Variants in PPM1L observed in about 807,000 individuals in gnomAD.
The protein encoded by PPM1L is protein phosphatase 1L.
A neutral mutation model predicts 31.4 loss-of-function variants in PPM1L; 13 were observed. The observed-to-expected ratio is 0.41, with a 90% CI of 0.27 to 0.66. The LOEUF is 0.66. Among genes scored for constraint, PPM1L ranks in the 30% least tolerant of loss-of-function variants. The pLI is 0.29. For missense variants in PPM1L, 326 were observed against 453.7 expected (o/e 0.72, Z 2.56); for synonymous variants, 184 against 175.4 (o/e 1.05, Z -0.39).
intron 1 of PPM1L, among the ~76,000 whole-genome samples, chr3:160,892,393 G>A (rs1713184224): frequency 6.6e-6 from 1 of 152,006 alleles, no homozygotes; most frequent in Non-Finnish European, 1.5e-5. Context: ...CTATGGCAAG[G>A]ACAGAACTAA....
chr3:160,961,619 T>A, intron 1 of PPM1L, 117 bp from the exon 2 acceptor site: 1 of 724,994 alleles, frequency 1.4e-6, no homozygotes, highest in Non-Finnish European at 2.1e-6. Context: ...GACATGCTTG[T>A]CTGGAGGGTT....
At chr3:160,938,551 A>T (rs1325158050) in intron 1 of PPM1L, among the ~76,000 whole-genome samples, 1 of 152,222 alleles carries the variant, frequency 6.6e-6, no homozygotes, top group Non-Finnish European at 1.5e-5. Context: ...GGCTTTGCAG[A>T]TTCTTTGTAG....
intron 1 of PPM1L, among the ~76,000 whole-genome samples, chr3:160,881,878 C>T (rs985778091): frequency 6.6e-6 from 1 of 152,014 alleles, no homozygotes; most frequent in Non-Finnish European, 1.5e-5. Context: ...AGTGAAACCC[C>T]GTCTCTACTA....
At chr3:160,826,082 T>C (rs1223718363) in intron 1 of PPM1L, among the ~76,000 whole-genome samples, 1 of 146,852 alleles carries the variant, frequency 6.8e-6, no homozygotes, top group Admixed American at 6.7e-5. Flanking sequence ...TGCAAGGGGA[T>C]GCTAGTTTTG....
In PPM1L at chr3:161,074,284, T is replaced by C. The variant is rs997318748; in HGVS notation, c.*5127T>C. 2.6e-5 allele frequency: 4 copies of C among 152,248 alleles called. No homozygotes were observed. The highest frequency in any genetic ancestry group is 4.4e-5 in the Non-Finnish European group (3 of 68,050). 9.4% of individuals were successfully genotyped at this position (152,248 alleles called of 1,614,324 possible). On this transcript the variant is annotated 3_prime_UTR_variant, in exon 4 of 4. Transcript: ENST00000498165. Reference sequence around the variant, plus strand: ...ATGTACATAGTTAAGTTTGGCATGTTATCTCTTGCCTAAAATGTGAGGCCT... The same window carrying C: ...ATGTACATAGTTAAGTTTGGCATGTCATCTCTTGCCTAAAATGTGAGGCCT...
chr3:160,861,434 A>G (rs1711885540), intron 1 of PPM1L, among the ~76,000 whole-genome samples: 1 of 152,208 alleles, frequency 6.6e-6, no homozygotes, highest in Admixed American at 6.5e-5. Flanking sequence ...TAAATACTAA[A>G]TAATTCTTAT....
intron 1 of PPM1L, among the ~76,000 whole-genome samples, chr3:160,915,154 A>G (rs185991677): frequency 1.3e-5 from 2 of 152,292 alleles, no homozygotes; most frequent in Admixed American, 1.3e-4. Context: ...TATATCTAGA[A>G]AACCCCATCG....
intron 2 of PPM1L, among the ~76,000 whole-genome samples, chr3:161,064,161 G>A (rs1241861599): frequency 2.0e-5 from 3 of 150,140 alleles, no homozygotes; most frequent in Non-Finnish European, 3.0e-5. Context: ...CATTCTGCAC[G>A]TGTCCCAGAA....
intron 2 of PPM1L, among the ~76,000 whole-genome samples, chr3:160,973,732 T>A (rs1045623280): frequency 2.8e-5 from 4 of 144,212 alleles, no homozygotes; most frequent in Non-Finnish European, 6.1e-5. Context: ...ACTTTAAGAA[T>A]TCATCTGGTA....
chr3:160,934,945 T>C (rs1457105832), intron 1 of PPM1L, among the ~76,000 whole-genome samples: 1 of 151,806 alleles, frequency 6.6e-6, no homozygotes, highest in Non-Finnish European at 1.5e-5. Flanking sequence ...AGTGACACTC[T>C]GTCTCAAAAA....
At chr3:160,974,646 GT>G (rs1309429436) in intron 2 of PPM1L, among the ~76,000 whole-genome samples, 36 of 150,532 alleles carry the variant, frequency 2.4e-4, no homozygotes, top group African/African-American at 8.6e-4. Context: ...TTTTTCATGT[GT>G]TTTTTGGCTG....
chr3:161,006,596 C>T (rs1345303747), intron 2 of PPM1L, among the ~76,000 whole-genome samples: 2 of 151,738 alleles, frequency 1.3e-5, no homozygotes, highest in Non-Finnish European at 2.9e-5. Flanking sequence ...AATTGGTTTT[C>T]CTCATAATCC....
intron 1 of PPM1L, among the ~76,000 whole-genome samples, chr3:160,776,039 A>C (rs1560104154): frequency 6.6e-6 from 1 of 152,196 alleles, no homozygotes; most frequent in Non-Finnish European, 1.5e-5. Flanking sequence ...ATACCTTAGA[A>C]AGGAATAAAA....
At chr3:160,768,551 T>A (rs1018564600) in intron 1 of PPM1L, among the ~76,000 whole-genome samples, 4 of 152,228 alleles carry the variant, frequency 2.6e-5, no homozygotes, top group Non-Finnish European at 5.9e-5. Flanking sequence ...AAATTCAATG[T>A]AATTTCTACT....
In PPM1L at chr3:161,072,644, A is replaced by C; in HGVS notation, c.*3487A>C. ...AATTTCCTTTGTGTTTAATTTGACC[A>C]CAGAAACTTTTTTGAGTAGCACCTA... On this transcript the variant is annotated 3_prime_UTR_variant, in exon 4 of 4. Coordinates refer to ENST00000498165, the MANE Select transcript of PPM1L (RefSeq NM_139245.4). The C allele has an allele frequency of 6.6e-6, 1 of 152,158 alleles. No individual in the cohort carries two copies. The highest frequency in any genetic ancestry group is 1.9e-4 in the East Asian group (1 of 5,198). The allele number at this position is 152,158 out of a possible 1,614,324, so 9.4% of individuals were successfully genotyped here. A position where few individuals can be genotyped will look rare whatever the true frequency, so the allele number is the denominator to read the frequency against.
intron 1 of PPM1L, among the ~76,000 whole-genome samples, chr3:160,952,820 G>C (rs1715616759): frequency 6.6e-6 from 1 of 152,058 alleles, no homozygotes; most frequent in Admixed American, 6.6e-5. Flanking sequence ...GTGTTTTTTA[G>C]GCATATATGT....
At chr3:160,933,232 G>A (rs1344440376) in intron 1 of PPM1L, among the ~76,000 whole-genome samples, 1 of 152,024 alleles carries the variant, frequency 6.6e-6, no homozygotes, top group East Asian at 1.9e-4. Context: ...GGCACAGAAA[G>A]CAATTTGTTG....
intron 1 of PPM1L, chr3:160,842,293 G>GTGACAA (rs1182864363): frequency 1.4e-6 from 1 of 702,460 alleles, no homozygotes; most frequent in Non-Finnish European, 2.6e-6. Flanking sequence ...TTTTTCAACA[G>GTGACAA]TGAGTAGATC....
chr3:160,885,462 A>T (rs1352474622), intron 1 of PPM1L, among the ~76,000 whole-genome samples: 2 of 152,184 alleles, frequency 1.3e-5, no homozygotes, highest in Non-Finnish European at 2.9e-5. Context: ...TGGTGATTGG[A>T]GACTCCCATT....
Sources: gnomAD v4.1 joint callset for allele counts (sites outside exome capture counted in the v4.1 genomes callset) on GRCh38, gnomAD v4.1.1 for gene constraint, MANE v1.5 for transcripts, NCBI Gene and HGNC (gene_info 2026-07-23, HGNC 2026-07-21) for gene names.